CDC73: variants seen among roughly 807,000 people sequenced by gnomAD.
CDC73 encodes cell division cycle 73, also known as parafibromin.
In CDC73, 21 loss-of-function variants were observed where a neutral mutation model predicts 83.7. The observed-to-expected ratio is 0.25, with a 90% CI of 0.18 to 0.36. CDC73 has a LOEUF of 0.36. Ranked by LOEUF, CDC73 falls within the 10% of genes least tolerant of loss-of-function variation. The pLI is 1.00. For synonymous variants in CDC73, 224 were observed against 212.9 expected (o/e 1.05, Z -0.45); for missense variants, 342 against 653.3 (o/e 0.52, Z 5.19).
chr1:193,248,093 A>G (rs1228625385), intron 15 of CDC73, among the ~76,000 whole-genome samples: 1 of 152,078 alleles, frequency 6.6e-6, no homozygotes, highest in East Asian at 1.9e-4. Flanking sequence ...TTTGGCTCCA[A>G]AACTTCAGAG....
intron 16 of CDC73, 68 bp from the exon 17 acceptor site, chr1:193,250,608 T>A: frequency 9.0e-7 from 1 of 1,108,212 alleles, no homozygotes; most frequent in Non-Finnish European, 1.4e-6. Flanking sequence ...AACTTGTTTT[T>A]ACATGCATTA....
chr1:193,194,997 A>C (rs1024895921), intron 10 of CDC73, among the ~76,000 whole-genome samples: 23 of 152,150 alleles, frequency 1.5e-4, no homozygotes, highest in African/African-American at 5.3e-4. Flanking sequence ...TGGTGGTTTA[A>C]CACACAAAAC....
At chr1:193,156,951 CATT>C (rs1363242756) in intron 10 of CDC73, among the ~76,000 whole-genome samples, 3 of 152,190 alleles carry the variant, frequency 2.0e-5, no homozygotes, top group African/African-American at 7.2e-5. Context: ...GGGAGGGACA[CATT>C]AGTCACACTA....
intron 13 of CDC73, among the ~76,000 whole-genome samples, chr1:193,221,840 T>C (rs1677476169): frequency 6.6e-6 from 1 of 152,152 alleles, no homozygotes; most frequent in South Asian, 2.1e-4. Flanking sequence ...ACATCTCCCC[T>C]ACAGTTTGAG....
chr1:193,240,352 A>G (rs1044694958), intron 15 of CDC73, among the ~76,000 whole-genome samples: 1 of 152,090 alleles, frequency 6.6e-6, no homozygotes, highest in Non-Finnish European at 1.5e-5. Flanking sequence ...TGATAAACTG[A>G]TTTTCTTTCC....
chr1:193,184,581 T>G (rs1676773570), intron 10 of CDC73, among the ~76,000 whole-genome samples: 1 of 151,942 alleles, frequency 6.6e-6, no homozygotes. Context: ...TTTTATCATT[T>G]GGCTTTTAAA....
chr1:193,240,078 T>C (rs530549432), intron 15 of CDC73, among the ~76,000 whole-genome samples: 1 of 152,306 alleles, frequency 6.6e-6, no homozygotes, highest in Non-Finnish European at 1.5e-5. Flanking sequence ...AGATCAACTT[T>C]TAACGTTCCC....
chr1:193,198,957 T>C (rs1369439253), intron 10 of CDC73, among the ~76,000 whole-genome samples: 1 of 152,246 alleles, frequency 6.6e-6, no homozygotes, highest in Non-Finnish European at 1.5e-5. Flanking sequence ...CTCAGCCGTT[T>C]AAGTGGTTAC....
intron 10 of CDC73, among the ~76,000 whole-genome samples, chr1:193,165,319 A>G (rs1676418241): frequency 6.6e-6 from 1 of 152,236 alleles, no homozygotes; most frequent in South Asian, 2.1e-4. Context: ...GCATTGTATA[A>G]AAGTACTTAA....
intron 10 of CDC73, among the ~76,000 whole-genome samples, chr1:193,187,766 C>T (rs1305437633): frequency 6.6e-6 from 1 of 151,956 alleles, no homozygotes; most frequent in South Asian, 2.1e-4. Context: ...TTGAGCTTTG[C>T]TGATGAAATG....
chr1:193,242,584 C>T (rs1448091329), intron 15 of CDC73, among the ~76,000 whole-genome samples: 3 of 152,076 alleles, frequency 2.0e-5, no homozygotes, highest in Non-Finnish European at 4.4e-5. Context: ...GAAGGTGGTT[C>T]TTCTTTTTGG....
intron 10 of CDC73, among the ~76,000 whole-genome samples, chr1:193,182,654 T>C (rs1401348330): frequency 6.6e-6 from 1 of 152,170 alleles, no homozygotes; most frequent in Admixed American, 6.5e-5. Context: ...GGTTATGAGA[T>C]GGCAATATGT....
intron 10 of CDC73, among the ~76,000 whole-genome samples, chr1:193,176,390 A>G (rs1186177340): frequency 6.6e-6 from 1 of 152,224 alleles, no homozygotes; most frequent in East Asian, 1.9e-4. Context: ...CAGACAAAAA[A>G]TCTTCAGCAT....
At chr1:193,162,024 T>C (rs1464359531) in intron 10 of CDC73, among the ~76,000 whole-genome samples, 1 of 16,580 alleles carries the variant, frequency 6.0e-5, no homozygotes, top group Non-Finnish European at 9.4e-5. Context: ...TTGTATATAA[T>C]ATATATCATA....
At chr1:193,124,507 G>A (rs1675528326) in intron 1 of CDC73, among the ~76,000 whole-genome samples, 2 of 152,140 alleles carry the variant, frequency 1.3e-5, no homozygotes, top group Admixed American at 1.3e-4. Context: ...GGAAGGGTAG[G>A]ATTGGAATGA....
chr1:193,129,127 A>G (rs556734851), intron 2 of CDC73, among the ~76,000 whole-genome samples: 1 of 151,498 alleles, frequency 6.6e-6, no homozygotes, highest in Admixed American at 6.6e-5. Flanking sequence ...CCTCCCGAGT[A>G]GCAGGGACTG....
intron 13 of CDC73, among the ~76,000 whole-genome samples, chr1:193,229,347 T>G (rs1329752687): frequency 6.6e-6 from 1 of 152,214 alleles, no homozygotes; most frequent in African/African-American, 2.4e-5. Flanking sequence ...CCCACAAAAT[T>G]TATATGTTGA....
rs908205344 is a variant in CDC73, at chr1:193,135,624, A to G, written c.423+35A>G. ...CTGTATTTTAAACAATTTTATTTAT[A>G]TTGTTATTGAAATTGGGATTCTTTA... On this transcript the variant is annotated intron_variant, in intron 5 of 16. Coordinates refer to ENST00000367435, the MANE Select transcript of CDC73 (RefSeq NM_024529.5). The G allele has an allele frequency of 1.0e-5, 15 of 1,486,582 alleles. No homozygotes were observed. In the Admixed American group the frequency reaches 1.6e-4, roughly 16 times the overall value. 92.1% of individuals were successfully genotyped at this position (1,486,582 alleles called of 1,614,324 possible). A position where few individuals can be genotyped will look rare whatever the true frequency, so the allele number is the denominator to read the frequency against.
intron 13 of CDC73, among the ~76,000 whole-genome samples, chr1:193,216,999 GCTGGAAGCATTCCCC>G (rs546929225): frequency 2.9e-3 from 436 of 152,230 alleles, no homozygotes; most frequent in Non-Finnish European, 4.8e-3. Context: ...ATAGGCAAAA[GCTGGAAGCATTCCCC>G]CTGAGAACCA....
Sources: gnomAD v4.1 joint callset for allele counts (sites outside exome capture counted in the v4.1 genomes callset) on GRCh38, gnomAD v4.1.1 for gene constraint, MANE v1.5 for transcripts, NCBI Gene and HGNC (gene_info 2026-07-23, HGNC 2026-07-21) for gene names.